Variants in SLC2A13 observed in about 807,000 individuals in gnomAD.
SLC2A13 encodes the protein proton myo-inositol cotransporter.
Under a neutral mutation model 64.4 loss-of-function variants are expected in SLC2A13, and 32 were observed. The observed-to-expected ratio is 0.50, with a 90% confidence interval of 0.37 to 0.67. The LOEUF is 0.67. Ranked by LOEUF, SLC2A13 falls within the 30% of genes least tolerant of loss-of-function variation. The probability of loss-of-function intolerance (pLI) is 0.00; values close to 1 mark genes in which losing one functional copy is unlikely to be tolerated. For synonymous variants in SLC2A13, 338 were observed against 327.1 expected (o/e 1.03, Z -0.36); for missense variants, 743 against 829.2 (o/e 0.90, Z 1.28).
Position 40,105,038 on chromosome 12 carries a change from A to G in SLC2A13, c.556+215T>C, listed in dbSNP as rs1939259026. ...ATTCCACGTGCGCTCGAGGGAGACT[A>G]GAGTGACACCCCCTCCCCCCCGACC... On this transcript the variant is annotated intron_variant, in intron 1 of 9. Transcript: ENST00000280871. The surrounding 1 kb of genome is among the most constrained non-coding windows in gnomAD (Gnocchi z 4.2). Among the ~76,000 whole-genome samples, 1 of 152,276 alleles carries G rather than the reference A, an allele frequency of 6.6e-6. No homozygotes were observed. Among genetic ancestry groups the G allele is most frequent in the Admixed American group, 6.5e-5 (1 of 15,300 alleles).
At chr12:40,067,449 T>A (rs1937777154) in intron 1 of SLC2A13, among the ~76,000 whole-genome samples, 1 of 152,186 alleles carries the variant, frequency 6.6e-6, no homozygotes, top group Non-Finnish European at 1.5e-5. Context: ...CTAAGAACCA[T>A]GTTTATTTGA....
At chr12:39,971,997 A>AAAATATATATATATATATATAT (rs1375405006) in intron 3 of SLC2A13, among the ~76,000 whole-genome samples, 6 of 77,342 alleles carry the variant, frequency 7.8e-5, no homozygotes, top group Non-Finnish European at 1.2e-4. Flanking sequence ...AAAAAAAAAA[A>AAAATATATATATATATATATAT]ATATATATAT....
intron 7 of SLC2A13, among the ~76,000 whole-genome samples, chr12:39,816,151 G>A (rs1942333313): frequency 6.6e-6 from 1 of 152,076 alleles, no homozygotes; most frequent in African/African-American, 2.4e-5. Context: ...TTTAAGTTTT[G>A]TGAACTTGGG....
At chr12:39,838,353 AG>A (rs987546875) in intron 6 of SLC2A13, among the ~76,000 whole-genome samples, 1 of 69,826 alleles carries the variant, frequency 1.4e-5, no homozygotes, top group African/African-American at 5.5e-5. Flanking sequence ...GGGTGGGGGG[AG>A]GGGGGAGGGA....
Position 39,879,361 on chromosome 12 carries a change from C to T in SLC2A13, c.1035-7400G>A, listed in dbSNP as rs73276509. 7.3e-3 allele frequency among the ~76,000 whole-genome samples: 1,114 copies of T among 152,326 alleles called. 11 individuals carry two copies. The highest frequency in any genetic ancestry group is 0.025 in the African/African-American group (1,058 of 41,570). On this transcript the variant is annotated intron_variant, in intron 4 of 9. Transcript: ENST00000280871. ...GAATGGTAGATCTACTGGCAGCTTG[C>T]ACCCTGCGTCTGGAAAAGCCATAGG...
chr12:39,853,549 C>G (rs1020883779), intron 6 of SLC2A13, among the ~76,000 whole-genome samples: 1 of 147,070 alleles, frequency 6.8e-6, no homozygotes, highest in Non-Finnish European at 1.5e-5. Flanking sequence ...CTTTTCTTTT[C>G]TTTCTTTCTT....
chr12:39,971,997 A>AAAAAATATATATATATATATATAT (rs1375405006), intron 3 of SLC2A13, among the ~76,000 whole-genome samples: 1 of 77,372 alleles, frequency 1.3e-5, no homozygotes, highest in Non-Finnish European at 2.5e-5. Flanking sequence ...AAAAAAAAAA[A>AAAAAATATATATATATATATATAT]ATATATATAT....
At chr12:40,021,518 T>C (rs955645378) in intron 3 of SLC2A13, among the ~76,000 whole-genome samples, 5 of 152,234 alleles carry the variant, frequency 3.3e-5, no homozygotes, top group Non-Finnish European at 5.9e-5. Context: ...TAGCTTTTTA[T>C]CTGACCTTTT....
At chr12:39,867,502 A>G (rs938567479) in intron 5 of SLC2A13, among the ~76,000 whole-genome samples, 18 of 152,188 alleles carry the variant, frequency 1.2e-4, no homozygotes, top group Admixed American at 1.3e-4. Flanking sequence ...AGTCCATCCA[A>G]TTACAGTCAT....
chr12:40,096,188 CA>C (rs1938937777), intron 1 of SLC2A13, among the ~76,000 whole-genome samples: 1 of 151,978 alleles, frequency 6.6e-6, no homozygotes, highest in South Asian at 2.1e-4. Flanking sequence ...CTCAGCCTCC[CA>C]AAGTGCTGGG....
intron 3 of SLC2A13, among the ~76,000 whole-genome samples, chr12:39,968,852 GGTTT>G (rs1226979618): frequency 6.8e-6 from 1 of 147,336 alleles, no homozygotes; most frequent in East Asian, 2.0e-4. Flanking sequence ...ACAACGTGCA[GGTTT>G]GTTACATATG....
intron 3 of SLC2A13, among the ~76,000 whole-genome samples, chr12:39,994,609 A>G (rs1947197156): frequency 6.6e-6 from 1 of 152,200 alleles, no homozygotes; most frequent in Non-Finnish European, 1.5e-5. Flanking sequence ...ATCTGTGCAT[A>G]TAGTTTTATG....
At chr12:39,855,116 A>G (rs1021889611) in intron 6 of SLC2A13, among the ~76,000 whole-genome samples, 5 of 152,218 alleles carry the variant, frequency 3.3e-5, no homozygotes, top group Admixed American at 6.5e-5. Flanking sequence ...AAATCTCCAA[A>G]TACCATTTAC....
At chr12:39,942,547 G>A (rs938097136) in intron 4 of SLC2A13, among the ~76,000 whole-genome samples, 1 of 152,130 alleles carries the variant, frequency 6.6e-6, no homozygotes, top group Non-Finnish European at 1.5e-5. Flanking sequence ...CTACTGATTT[G>A]TGTATATTAA....
chr12:39,912,834 C>G (rs1231968250), intron 4 of SLC2A13, among the ~76,000 whole-genome samples: 1 of 152,056 alleles, frequency 6.6e-6, no homozygotes, highest in Non-Finnish European at 1.5e-5. Flanking sequence ...TTTTTGTTGA[C>G]TTTCTTTTCT....
chr12:39,922,184 C>G (rs1379645670), intron 4 of SLC2A13, among the ~76,000 whole-genome samples: 2 of 152,202 alleles, frequency 1.3e-5, no homozygotes, highest in African/African-American at 2.4e-5. Context: ...CAAAGAATCT[C>G]AGAAAACCAT....
At position 39,871,831 on chromosome 12, in the gene SLC2A13, C is replaced by T; in HGVS notation, c.1165G>A (p.Gly389Ser). 1 of 1,610,826 alleles carries T rather than the reference C, an allele frequency of 6.2e-7. No individual in the cohort carries two copies. Among genetic ancestry groups the T allele is most frequent in the Non-Finnish European group, 8.5e-7 (1 of 1,178,660 alleles). ...LVGVWLVEKV[G>S]RRKLTFGSLA... ...CTACCAAAGGTAAGCTTTCTGCGGC[C>T]CACCTTCTCAACAAGCCAGACTCCC... Residue 389 changes from glycine (G) to serine (S), a missense_variant, in exon 5 of 10, where the codon GGC (glycine) becomes AGC (serine). This residue lies in a region of SLC2A13 where 295 missense variants were observed against 381.7 expected (regional missense o/e 0.77). Coordinates refer to ENST00000280871, the MANE Select transcript of SLC2A13 (RefSeq NM_052885.4).
At chr12:39,876,266 C>A (rs933067286) in intron 4 of SLC2A13, among the ~76,000 whole-genome samples, 1 of 152,166 alleles carries the variant, frequency 6.6e-6, no homozygotes, top group African/African-American at 2.4e-5. Context: ...ATCTGACTCA[C>A]ACAAAACAGA....
At chr12:40,080,288 C>T (rs147875564) in intron 1 of SLC2A13, among the ~76,000 whole-genome samples, 52 of 152,340 alleles carry the variant, frequency 3.4e-4, no homozygotes, top group African/African-American at 1.2e-3. Context: ...AGTGGGTTTG[C>T]ATTTCAGATG....
Sources: allele counts gnomAD v4.1 joint callset (sites outside exome capture counted in the v4.1 genomes callset), GRCh38; gene constraint gnomAD v4.1.1; regional missense constraint gnomAD v4.1.1; non-coding constraint Gnocchi (gnomAD v3.1); transcripts MANE v1.5; gene names NCBI Gene and HGNC (gene_info 2026-07-23, HGNC 2026-07-21).